EFCAB5: variants seen among roughly 807,000 people sequenced by gnomAD.
EFCAB5 encodes the protein EF-hand calcium binding domain 5, also known as EF-hand calcium-binding domain-containing protein 5.
A neutral mutation model predicts 167.9 loss-of-function variants in EFCAB5; 131 were observed. The ratio of observed to expected loss-of-function variants is 0.78; its 90% confidence interval spans 0.68 to 0.90. The LOEUF (loss-of-function observed/expected upper bound fraction) is 0.90, where lower values mean the gene tolerates loss of function less well. EFCAB5 is among the 40% of genes least tolerant of loss of function. EFCAB5 has a pLI of 0.00. For missense variants in EFCAB5, 1,663 were observed against 1,745.2 expected (o/e 0.95, Z 0.84); for synonymous variants, 574 against 602.8 (o/e 0.95, Z 0.70).
At chr17:29,992,903 A>G (rs1228472063) in intron 4 of EFCAB5, among the ~76,000 whole-genome samples, 1 of 152,184 alleles carries the variant, frequency 6.6e-6, no homozygotes, top group African/African-American at 2.4e-5. Context: ...TCACATTCCT[A>G]CCAATACTTC....
intron 22 of EFCAB5, among the ~76,000 whole-genome samples, chr17:30,098,372 G>GAA (rs1055131791): frequency 7.0e-6 from 1 of 142,082 alleles, no homozygotes. Context: ...AAAAAACTTG[G>GAA]AAAAAAAAAA....
intron 7 of EFCAB5, among the ~76,000 whole-genome samples, chr17:30,015,985 G>T (rs1468524898): frequency 6.6e-6 from 1 of 151,828 alleles, no homozygotes; most frequent in Non-Finnish European, 1.5e-5. Flanking sequence ...TTCCATGCTG[G>T]CCAGGCTGGT....
rs1241676096 is a variant in EFCAB5 at position 30,107,688 on chromosome 17, C to A, written c.4322-146C>A. 15 of 632,808 alleles carry A rather than the reference C, an allele frequency of 2.4e-5. No individual in the cohort carries two copies. The African/African-American group carries it at 2.7e-4, about 11-fold the overall frequency. The allele number at this position is 632,808 out of a possible 1,614,324, so 39.2% of individuals were successfully genotyped here. A position where few individuals can be genotyped will look rare whatever the true frequency, so the allele number is the denominator to read the frequency against. On this transcript the variant is annotated intron_variant, in intron 22 of 22. Coordinates refer to ENST00000394835, the MANE Select transcript of EFCAB5 (RefSeq NM_198529.4). ...ACTATACCAAAATTTATCCATATTCCTGTAATTACATATTTACACAAGATT... is the reference window on the plus strand; with the variant it reads ...ACTATACCAAAATTTATCCATATTCATGTAATTACATATTTACACAAGATT...
intron 3 of EFCAB5, among the ~76,000 whole-genome samples, chr17:29,948,016 G>T (rs1229073832): frequency 2.0e-5 from 3 of 152,054 alleles, no homozygotes; most frequent in Non-Finnish European, 1.5e-5. Context: ...AGTAGAGACG[G>T]GGTTTCACCA....
chr17:30,017,808 T>C (rs1332556972), intron 7 of EFCAB5, among the ~76,000 whole-genome samples: 7 of 152,184 alleles, frequency 4.6e-5, no homozygotes, highest in Admixed American at 3.9e-4. Flanking sequence ...TATTTTATAA[T>C]TTTTATTTTA....
chr17:30,081,321 T>G (rs1397512275), intron 17 of EFCAB5, among the ~76,000 whole-genome samples: 1 of 152,228 alleles, frequency 6.6e-6, no homozygotes, highest in African/African-American at 2.4e-5. Context: ...TATTTGTGTT[T>G]TACTAACAGT....
intron 22 of EFCAB5, among the ~76,000 whole-genome samples, chr17:30,096,669 A>ATTT (rs1567776810): frequency 1.0e-4 from 6 of 59,808 alleles, no homozygotes; most frequent in African/African-American, 4.2e-4. Context: ...ATATATATAT[A>ATTT]TATATATATT....
Position 30,053,425 on chromosome 17 carries a change from C to T in EFCAB5, c.1471C>T (p.Pro491Ser). ...QSKLLESPDQ[P>S]KLNEQRTSTP... ...TAAATTATTAGAAAGTCCAGATCAA[C>T]CTAAACTTAACGAACAGAGAACATC... Residue 491 changes from proline (P) to serine (S), a missense_variant, in exon 10 of 23, where the codon CCT becomes TCT. Transcript: ENST00000394835. 6.2e-7 allele frequency: 1 copy of T among 1,613,964 alleles called. No individual in the cohort carries two copies. Among genetic ancestry groups the T allele is most frequent in the Non-Finnish European group, 8.5e-7 (1 of 1,179,890 alleles).
intron 3 of EFCAB5, among the ~76,000 whole-genome samples, chr17:29,952,365 C>G (rs1328807383): frequency 6.6e-6 from 1 of 152,160 alleles, no homozygotes; most frequent in African/African-American, 2.4e-5. Flanking sequence ...CACATACATT[C>G]AAAACATACC....
At chr17:29,936,017 G>T (rs1424958431) in intron 1 of EFCAB5, among the ~76,000 whole-genome samples, 2 of 152,114 alleles carry the variant, frequency 1.3e-5, no homozygotes, top group African/African-American at 2.4e-5. Context: ...AGGAAATGCT[G>T]CTACCAGGAT....
At chr17:30,026,961 C>CTTTTTT (rs71138868) in intron 7 of EFCAB5, among the ~76,000 whole-genome samples, 9 of 64,548 alleles carry the variant, frequency 1.4e-4, no homozygotes, top group East Asian at 4.8e-4. Flanking sequence ...CTCCTTGTAC[C>CTTTTTT]TTTTTTTTTT....
At chr17:29,945,168 A>T (rs147396220) in intron 3 of EFCAB5, among the ~76,000 whole-genome samples, 1 of 152,266 alleles carries the variant, frequency 6.6e-6, no homozygotes, top group African/African-American at 2.4e-5. Context: ...AAAATTTAAT[A>T]ATTTTACTAT....
chr17:30,033,125 C>A (rs1240116278), intron 7 of EFCAB5, among the ~76,000 whole-genome samples: 8 of 151,842 alleles, frequency 5.3e-5, no homozygotes. Context: ...CTCGCCCAGG[C>A]TGGAGTGCAG....
Position 30,108,149 on chromosome 17 carries a change from T to C in EFCAB5, c.*125T>C, listed in dbSNP as rs892874288. Reference sequence around the variant, plus strand: ...TATAAATGTCTTCTGCTGCTAATATTTATCTCAGCACTTTCTAAACCCAAA... The same window carrying C: ...TATAAATGTCTTCTGCTGCTAATATCTATCTCAGCACTTTCTAAACCCAAA... On this transcript the variant is annotated 3_prime_UTR_variant, in exon 23 of 23. Transcript: ENST00000394835. The C allele has an allele frequency of 1.5e-5, 17 of 1,135,702 alleles. No homozygotes were observed. In the African/African-American group the frequency reaches 2.4e-4, roughly 16 times the overall value. The allele number at this position is 1,135,702 out of a possible 1,614,324, so 70.4% of individuals were successfully genotyped here.
intron 22 of EFCAB5, among the ~76,000 whole-genome samples, chr17:30,101,947 TG>T (rs1217180747): frequency 5.3e-5 from 8 of 152,232 alleles, no homozygotes; most frequent in Admixed American, 3.3e-4. Flanking sequence ...CCCAAGTTTT[TG>T]CTTGTTGTTC....
rs182141609 is a variant in EFCAB5, at chr17:30,012,298, G to A, written c.1044+12322G>A. Among the ~76,000 whole-genome samples, 162 of 152,270 alleles carry A rather than the reference G, an allele frequency of 1.1e-3. 2 individuals are homozygous for A. Among genetic ancestry groups the A allele is most frequent in the Middle Eastern group, 0.01 (3 of 294 alleles). On this transcript the variant is annotated intron_variant, in intron 7 of 22. Transcript: ENST00000394835. ...GGGCTGACATTAGTCAGGCTCGCCCGCAGTTGTCTGGAGGCCTAACTGTCT... is the reference window on the plus strand; with the variant it reads ...GGGCTGACATTAGTCAGGCTCGCCCACAGTTGTCTGGAGGCCTAACTGTCT...
intron 7 of EFCAB5, among the ~76,000 whole-genome samples, chr17:30,006,804 C>T (rs2068782526): frequency 6.6e-6 from 1 of 151,996 alleles, no homozygotes; most frequent in Non-Finnish European, 1.5e-5. Context: ...TTGCCTGGCA[C>T]ATGCCACTTT....
At chr17:29,937,493 C>G (rs1195262281), upstream of EFCAB5, among the ~76,000 whole-genome samples, 2 of 152,128 alleles carry the variant, frequency 1.3e-5, no homozygotes, top group African/African-American at 4.8e-5. Context: ...AGCCTCACTC[C>G]TGCTTCTTTC....
chr17:30,019,620 AT>A (rs1445154462), intron 7 of EFCAB5, among the ~76,000 whole-genome samples: 1 of 151,880 alleles, frequency 6.6e-6, no homozygotes, highest in Non-Finnish European at 1.5e-5. Flanking sequence ...TAATTTTTGT[AT>A]TTTTAGTAGA....
Sources: allele counts gnomAD v4.1 joint callset (sites outside exome capture counted in the v4.1 genomes callset), GRCh38; gene constraint gnomAD v4.1.1; transcripts MANE v1.5; gene names NCBI Gene and HGNC (gene_info 2026-07-23, HGNC 2026-07-21).